The following FKBP1A variants were observed in gnomAD, a reference collection of about 807,000 sequenced individuals.
FKBP1A encodes the protein peptidyl-prolyl cis-trans isomerase FKBP1A.
Under a neutral mutation model 14.2 loss-of-function variants are expected in FKBP1A, and 5 were observed. The ratio of observed to expected loss-of-function variants is 0.35; its 90% CI spans 0.18 to 0.74. The LOEUF is 0.74. Among genes scored for constraint, FKBP1A ranks in the 30% least tolerant of loss-of-function variants. FKBP1A has a pLI of 0.56. For synonymous variants in FKBP1A, 42 were observed against 49.1 expected (o/e 0.86, Z 0.60); for missense variants, 53 against 138.8 (o/e 0.38, Z 3.10).
intron 2 of FKBP1A, among the ~76,000 whole-genome samples, chr20:1,381,892 A>G (rs933847032): frequency 6.6e-5 from 10 of 152,328 alleles, no homozygotes; most frequent in Admixed American, 4.6e-4. Flanking sequence ...ACAAAAAAGC[A>G]TATCAGTAGT....
At chr20:1,377,828 T>TG (rs1373002703) in intron 2 of FKBP1A, 1 of 151,934 alleles carries the variant, frequency 6.6e-6, no homozygotes, top group Non-Finnish European at 1.5e-5. Context: ...AACCACGGAG[T>TG]GGCAGGGCCT....
chr20:1,380,402 G>T (rs1270598675), intron 2 of FKBP1A, among the ~76,000 whole-genome samples: 1 of 152,130 alleles, frequency 6.6e-6, no homozygotes, highest in Non-Finnish European at 1.5e-5. Flanking sequence ...GCCAGGAAAA[G>T]AACTATCCAA....
At chr20:1,383,547 T>A (rs2089638789) in intron 2 of FKBP1A, among the ~76,000 whole-genome samples, 1 of 152,012 alleles carries the variant, frequency 6.6e-6, no homozygotes, top group Non-Finnish European at 1.5e-5. Context: ...AGGAGGCTCA[T>A]GCCTGTAATC....
chr20:1,381,817 A>C (rs1166732936), intron 2 of FKBP1A, among the ~76,000 whole-genome samples: 1 of 152,242 alleles, frequency 6.6e-6, no homozygotes, highest in Non-Finnish European at 1.5e-5. Flanking sequence ...GAAGGCAGAC[A>C]TAAGAGAACG....
At chr20:1,370,132 C>T (rs911607525) in intron 4 of FKBP1A, 60 bp from the exon 5 acceptor site, 6 of 1,529,672 alleles carry the variant, frequency 3.9e-6, no homozygotes, top group Non-Finnish European at 3.5e-6. Flanking sequence ...TGTGCAGTGG[C>T]GACAGCCACG....
intron 4 of FKBP1A, 188 bp from the exon 5 acceptor site, chr20:1,370,260 T>C: frequency 1.0e-6 from 1 of 985,446 alleles, no homozygotes; most frequent in Non-Finnish European, 1.2e-6. Context: ...TGAAACAAAC[T>C]TTCTCCTTAA....
Position 1,380,758 on chromosome 20 carries a change from G to A in FKBP1A, c.86-5155C>T, listed in dbSNP as rs149789228. 3.6e-3 allele frequency among the ~76,000 whole-genome samples: 555 copies of A among 152,268 alleles called. 5 individuals carry two copies. The highest frequency in any genetic ancestry group is 0.012 in the African/African-American group (519 of 41,546). On this transcript the variant is annotated intron_variant, in intron 2 of 4. Coordinates refer to ENST00000400137, the MANE Select transcript of FKBP1A (RefSeq NM_000801.5). ...CAGGCATGCAAAGAGGCAGAAAACA[G>A]GACCCACAATGAGGAGACTTATCAA...
intron 2 of FKBP1A, among the ~76,000 whole-genome samples, chr20:1,390,085 G>A (rs548902868): frequency 2.8e-4 from 43 of 152,292 alleles, no homozygotes; most frequent in Middle Eastern, 6.8e-3. Context: ...ACAGCCATTA[G>A]TGGCATTTAA....
At chr20:1,392,735 C>T in intron 2 of FKBP1A, 99 bp downstream of exon 2, 1 of 880,400 alleles carries the variant, frequency 1.1e-6, no homozygotes, top group Non-Finnish European at 1.5e-6. Flanking sequence ...GCCGCCACGC[C>T]CCGGACCCCA....
intron 2 of FKBP1A, among the ~76,000 whole-genome samples, chr20:1,390,467 G>GAAACA (rs765956050): frequency 1.3e-5 from 2 of 152,080 alleles, no homozygotes; most frequent in Non-Finnish European, 2.9e-5. Context: ...AGTCAGGCAG[G>GAAACA]AAACAAAACA....
At chr20:1,375,155 A>G in intron 3 of FKBP1A, 1 of 502,346 alleles carries the variant, frequency 2.0e-6, no homozygotes, top group Non-Finnish European at 3.5e-6. Context: ...TTGGCCTCCC[A>G]AAGTGCTGGA....
chr20:1,388,986 T>C (rs952403333), intron 2 of FKBP1A, among the ~76,000 whole-genome samples: 6 of 152,212 alleles, frequency 3.9e-5, no homozygotes, highest in African/African-American at 1.2e-4. Flanking sequence ...TCTGCCTGGA[T>C]ACTCTAGACA....
intron 4 of FKBP1A, among the ~76,000 whole-genome samples, chr20:1,371,545 G>A (rs1283301778): frequency 7.2e-5 from 11 of 152,216 alleles, no homozygotes; most frequent in Non-Finnish European, 1.5e-5. Context: ...TGTCCTGGGT[G>A]TGGACCCTGA....
chr20:1,390,278 A>G (rs2089717979), intron 2 of FKBP1A, among the ~76,000 whole-genome samples: 1 of 150,682 alleles, frequency 6.6e-6, no homozygotes, highest in African/African-American at 2.4e-5. Context: ...TTCTCAGAGA[A>G]GTAACAATCA....
Position 1,379,902 on chromosome 20 carries a change from C to G in FKBP1A, c.86-4299G>C, listed in dbSNP as rs2089597690. Reference sequence around the variant, plus strand: ...CCACTTATCTATGGCCCTAAGTTGTCAGCCTGGGGGAGAAGGTGGAAGCAG... The same window carrying G: ...CCACTTATCTATGGCCCTAAGTTGTGAGCCTGGGGGAGAAGGTGGAAGCAG... On this transcript the variant is annotated intron_variant, in intron 2 of 4. Transcript: ENST00000400137. This position sits in a 1 kb window ranked among gnomAD's most constrained non-coding sequence, Gnocchi z 4.3. Among the ~76,000 whole-genome samples, 1 of 152,152 alleles carries G rather than the reference C, an allele frequency of 6.6e-6. No homozygotes were observed.
At position 1,385,077 on chromosome 20, in the gene FKBP1A, G is replaced by A. The variant is rs115347553; in HGVS notation, c.85+7757C>T. ...AGAGGAGTTACTACCACATTATATC[G>A]CATGGGGAGGGGGAGAAAGAAATAC... On this transcript the variant is annotated intron_variant, in intron 2 of 4. Coordinates refer to ENST00000400137, the MANE Select transcript of FKBP1A (RefSeq NM_000801.5). Among the ~76,000 whole-genome samples the A allele has an allele frequency of 2.2e-3, 333 of 152,130 alleles. 1 individual carries two copies. Among genetic ancestry groups the A allele is most frequent in the African/African-American group, 7.6e-3 (314 of 41,506 alleles).
intron 2 of FKBP1A, chr20:1,378,111 T>C (rs2089572605): frequency 6.6e-6 from 1 of 152,070 alleles, no homozygotes; most frequent in Admixed American, 6.6e-5. Context: ...AAGTCCCACC[T>C]CATTAGTAAA....
At chr20:1,382,103 C>T (rs957398537) in intron 2 of FKBP1A, among the ~76,000 whole-genome samples, 17 of 152,298 alleles carry the variant, frequency 1.1e-4, no homozygotes, top group African/African-American at 4.1e-4. Context: ...TACACACTGG[C>T]AATGAATGAA....
At chr20:1,370,649 G>C in intron 4 of FKBP1A, 8 of 985,404 alleles carry the variant, frequency 8.1e-6, no homozygotes, top group Middle Eastern at 5.2e-4. Context: ...TTTCCTTCCA[G>C]ACTCTTGCAA....
Sources: allele counts gnomAD v4.1 joint callset (sites outside exome capture counted in the v4.1 genomes callset), GRCh38; gene constraint gnomAD v4.1.1; non-coding constraint Gnocchi (gnomAD v3.1); transcripts MANE v1.5; gene names NCBI Gene and HGNC (gene_info 2026-07-23, HGNC 2026-07-21).